KCNQ5: variants seen among roughly 807,000 people sequenced by gnomAD.
KCNQ5 encodes potassium voltage-gated channel subfamily KQT member 5.
Under a neutral mutation model 98.2 loss-of-function variants are expected in KCNQ5, and 30 were observed. That is an observed-to-expected ratio of 0.31 (90% CI 0.23 to 0.41). KCNQ5 has a LOEUF of 0.41. Among genes scored for constraint, KCNQ5 ranks in the 10% least tolerant of loss-of-function variants. The pLI, the probability that KCNQ5 is intolerant of heterozygous loss-of-function variation, is 1.00. For synonymous variants in KCNQ5, 458 were observed against 449.4 expected (o/e 1.02, Z -0.24); for missense variants, 835 against 1,182.5 (o/e 0.71, Z 4.31).
intron 1 of KCNQ5, among the ~76,000 whole-genome samples, chr6:72,900,365 C>G (rs1290757638): frequency 6.9e-6 from 1 of 145,758 alleles, no homozygotes; most frequent in African/African-American, 2.5e-5. Flanking sequence ...TATAAAGAAA[C>G]TTTATATATA....
At chr6:72,838,123 G>T (rs1330027360) in intron 1 of KCNQ5, among the ~76,000 whole-genome samples, 9 of 110,384 alleles carry the variant, frequency 8.2e-5, no homozygotes, top group East Asian at 5.6e-4. Context: ...CCCACAACAG[G>T]CCCCGACACC....
chr6:72,907,258 A>G (rs1209016791), intron 1 of KCNQ5, among the ~76,000 whole-genome samples: 4 of 152,172 alleles, frequency 2.6e-5, no homozygotes, highest in East Asian at 3.9e-4. Flanking sequence ...ACAAACCCCC[A>G]TGACACAAGT....
At chr6:72,699,656 T>C (rs1408931049) in intron 1 of KCNQ5, among the ~76,000 whole-genome samples, 1 of 152,204 alleles carries the variant, frequency 6.6e-6, no homozygotes, top group Admixed American at 6.5e-5. Flanking sequence ...TATAATTTGA[T>C]GATCTAAAGA....
At chr6:72,878,189 G>C (rs997814458) in intron 1 of KCNQ5, among the ~76,000 whole-genome samples, 1 of 152,200 alleles carries the variant, frequency 6.6e-6, no homozygotes, top group African/African-American at 2.4e-5. Flanking sequence ...AGAATCGCCT[G>C]AACCTGGGAG....
chr6:72,997,844 T>C (rs893070847), intron 1 of KCNQ5, among the ~76,000 whole-genome samples: 38 of 151,048 alleles, frequency 2.5e-4, no homozygotes, highest in African/African-American at 9.2e-4. Context: ...TATTTATTGA[T>C]TAGGGTCTTT....
intron 1 of KCNQ5, among the ~76,000 whole-genome samples, chr6:72,893,310 A>T (rs1344301078): frequency 6.6e-6 from 1 of 152,056 alleles, no homozygotes; most frequent in Non-Finnish European, 1.5e-5. Context: ...CTAATTCTAG[A>T]TATTTTTTTC....
At chr6:73,112,350 G>GT (rs778086861) in intron 7 of KCNQ5, among the ~76,000 whole-genome samples, 2,080 of 143,442 alleles carry the variant, frequency 0.015, 32 homozygotes, top group Middle Eastern at 0.044. Flanking sequence ...TGTTTGTTTT[G>GT]TTTTTTTTTT....
intron 1 of KCNQ5, among the ~76,000 whole-genome samples, chr6:72,938,889 T>A (rs1766087289): frequency 6.6e-6 from 1 of 152,294 alleles, no homozygotes; most frequent in East Asian, 1.9e-4. Flanking sequence ...TAATTGAAAC[T>A]TCAAGTGATT....
intron 7 of KCNQ5, among the ~76,000 whole-genome samples, chr6:73,118,036 T>C (rs1775579143): frequency 6.6e-6 from 1 of 151,368 alleles, no homozygotes; most frequent in African/African-American, 2.5e-5. Context: ...TCTACCACTA[T>C]ATTTTTCTAG....
intron 1 of KCNQ5, among the ~76,000 whole-genome samples, chr6:72,788,394 T>G (rs1688084473): frequency 6.6e-6 from 1 of 152,240 alleles, no homozygotes; most frequent in Admixed American, 6.5e-5. Context: ...CAGAATAGTA[T>G]GCGGATGACT....
rs193019292 is a variant in KCNQ5, at chr6:73,183,310, C to T, written c.1578-7263C>T. Among the ~76,000 whole-genome samples, 36 of 152,296 alleles carry T rather than the reference C, an allele frequency of 2.4e-4. No individual in the cohort carries two copies. In the South Asian group the frequency reaches 4.4e-3, roughly 18 times the overall value. ...TGTGACCTTGAACAGGTAACTCAAC[C>T]TCCTGAGCTTTACTTGACCCAAATG... On this transcript the variant is annotated intron_variant, in intron 11 of 13. Coordinates refer to ENST00000370398, the MANE Select transcript of KCNQ5 (RefSeq NM_019842.4).
chr6:72,681,737 T>A (rs762577863), intron 1 of KCNQ5, among the ~76,000 whole-genome samples: 4 of 152,238 alleles, frequency 2.6e-5, no homozygotes, highest in Non-Finnish European at 5.9e-5. Context: ...CATCATGCTG[T>A]GATCCCAGGA....
At chr6:72,882,103 G>A (rs987475671) in intron 1 of KCNQ5, among the ~76,000 whole-genome samples, 4 of 152,190 alleles carry the variant, frequency 2.6e-5, no homozygotes, top group Non-Finnish European at 5.9e-5. Flanking sequence ...GGATGGAAAT[G>A]AGTAAATTTA....
chr6:72,626,824 AG>A (rs1170035228), intron 1 of KCNQ5, among the ~76,000 whole-genome samples: 1 of 152,206 alleles, frequency 6.6e-6, no homozygotes, highest in Non-Finnish European at 1.5e-5. Flanking sequence ...GATGAGAAGG[AG>A]GAGTTTAACC....
intron 1 of KCNQ5, among the ~76,000 whole-genome samples, chr6:72,679,340 T>G (rs1276584295): frequency 6.6e-6 from 1 of 151,878 alleles, no homozygotes; most frequent in Non-Finnish European, 1.5e-5. Context: ...CCAACAAAGA[T>G]AGACTGGATT....
intron 5 of KCNQ5, among the ~76,000 whole-genome samples, chr6:73,086,626 G>A (rs1322740706): frequency 6.6e-6 from 1 of 152,092 alleles, no homozygotes; most frequent in Non-Finnish European, 1.5e-5. Context: ...TAAATATTTA[G>A]TGAGTTTCTC....
At chr6:72,669,509 G>A (rs1480890110) in intron 1 of KCNQ5, among the ~76,000 whole-genome samples, 1 of 152,172 alleles carries the variant, frequency 6.6e-6, no homozygotes, top group Non-Finnish European at 1.5e-5. Context: ...GGTCTCTGAG[G>A]CAGCTCCACT....
chr6:73,121,528 T>A (rs144664646), intron 8 of KCNQ5, among the ~76,000 whole-genome samples: 64 of 152,248 alleles, frequency 4.2e-4, no homozygotes, highest in Non-Finnish European at 4.6e-4. Flanking sequence ...CTCAGGTTGT[T>A]CAAAAGTTAT....
At chr6:73,058,942 G>T (rs1416307965) in intron 3 of KCNQ5, among the ~76,000 whole-genome samples, 9 of 152,180 alleles carry the variant, frequency 5.9e-5, no homozygotes. Flanking sequence ...TGGAGAAAAA[G>T]GAATGCTTAT....
Sources: gnomAD v4.1 joint callset for allele counts (sites outside exome capture counted in the v4.1 genomes callset) on GRCh38, gnomAD v4.1.1 for gene constraint, MANE v1.5 for transcripts, NCBI Gene and HGNC (gene_info 2026-07-23, HGNC 2026-07-21) for gene names.